TMEM223: variants seen among roughly 807,000 people sequenced by gnomAD.
TMEM223 encodes transmembrane protein 223.
TMEM223 carries 14 observed loss-of-function variants against 14.1 expected under a neutral mutation model. The ratio of observed to expected loss-of-function variants is 0.99; its 90% CI spans 0.66 to 1.55. The LOEUF (loss-of-function observed/expected upper bound fraction) is 1.55, where lower values mean the gene tolerates loss of function less well. Ranked by LOEUF, TMEM223 falls within the 40% of genes most tolerant of loss-of-function variation. The pLI, the probability that TMEM223 is intolerant of heterozygous loss-of-function variation, is 0.00. For missense variants in TMEM223, 346 were observed against 269.9 expected (o/e 1.28, Z -1.97); for synonymous variants, 145 against 120.5 (o/e 1.20, Z -1.33).
chr11:62,789,668 C>T (rs1241438185), downstream of TMEM223: 3 of 1,547,638 alleles, frequency 1.9e-6, no homozygotes, highest in Non-Finnish European at 1.7e-6. Context: ...CTCCAACCTA[C>T]ACAATGCTGA....
intron 1 of TMEM223, among the ~76,000 whole-genome samples, chr11:62,791,138 G>A (rs1440804192): frequency 3.3e-5 from 5 of 152,010 alleles, no homozygotes; most frequent in Non-Finnish European, 5.9e-5. Context: ...CTTAATAGAT[G>A]TCCGTTTCCA....
chr11:62,790,862 C>G lies in TMEM223; in HGVS notation c.370G>C (p.Val124Leu). The G allele has an allele frequency of 6.2e-7, 1 of 1,605,272 alleles. No individual in the cohort carries two copies. Among genetic ancestry groups the G allele is most frequent in the Non-Finnish European group, 8.5e-7 (1 of 1,175,674 alleles). Residue 124 changes from valine (V) to leucine (L), a missense_variant, in exon 2 of 2, where the codon GTG becomes CTG. By Grantham distance (32) the Val-to-Leu change is conservative. Transcript: ENST00000307366. The part of the protein sequence containing the change: ...LLFSLRSVRS[V>L]VLRAGGQQVT... ...TGCTGCCCTCCAGCTCGAAGCACCACTGAGCGCACAGACCGGAGAGAGAAG... is the reference window on the plus strand; with the variant it reads ...TGCTGCCCTCCAGCTCGAAGCACCAGTGAGCGCACAGACCGGAGAGAGAAG...
intron 2 of TMEM223, among the ~76,000 whole-genome samples, chr11:62,773,272 G>A (rs924249530): frequency 4.7e-5 from 7 of 147,784 alleles, no homozygotes; most frequent in African/African-American, 1.3e-4. Flanking sequence ...CTCAGCCTCC[G>A]GAGTAGCTGG....
downstream of TMEM223, among the ~76,000 whole-genome samples, chr11:62,785,538 C>CT (rs1205888751): frequency 8.9e-3 from 1,211 of 136,394 alleles, 15 homozygotes; most frequent in Admixed American, 0.022. Flanking sequence ...ATAGTTAATT[C>CT]TTTTTTTTTT....
intron 1 of TMEM223, among the ~76,000 whole-genome samples, chr11:62,779,143 C>G (rs1421256857): frequency 1.3e-5 from 2 of 151,964 alleles, no homozygotes; most frequent in African/African-American, 4.8e-5. Context: ...GCCTCAGCCT[C>G]CTGAATAGCT....
downstream of TMEM223, among the ~76,000 whole-genome samples, chr11:62,783,526 A>C (rs1248982039): frequency 6.7e-6 from 1 of 148,284 alleles, no homozygotes; most frequent in Non-Finnish European, 1.5e-5. Flanking sequence ...TAATATTAAG[A>C]GGGAGGATCT....
chr11:62,780,713 TGAGGCCGG>T (rs1178102292), intron 1 of TMEM223, among the ~76,000 whole-genome samples: 3 of 149,234 alleles, frequency 2.0e-5, no homozygotes, highest in African/African-American at 7.4e-5. Flanking sequence ...GTGGATCATG[TGAGGCCGG>T]GAGTTCGAGA....
intron 1 of TMEM223, among the ~76,000 whole-genome samples, chr11:62,780,852 G>A (rs1410723974): frequency 2.0e-5 from 3 of 150,236 alleles, no homozygotes; most frequent in African/African-American, 4.9e-5. Context: ...CAGGAGAATC[G>A]CTTGAACCCA....
chr11:62,790,053 A>G lies in TMEM223; in HGVS notation c.*570T>C. 1 of 1,603,880 alleles carries G rather than the reference A, an allele frequency of 6.2e-7. No individual in the cohort carries two copies. On this transcript the variant is annotated 3_prime_UTR_variant, in exon 2 of 2. Transcript: ENST00000307366. Reference sequence around the variant, plus strand: ...CACGCCTTTCCCATTCCTGAAGAATAAGCGGAGTGCTTCCTGCAGCCGAAG... The same window carrying G: ...CACGCCTTTCCCATTCCTGAAGAATGAGCGGAGTGCTTCCTGCAGCCGAAG...
At chr11:62,788,571 G>A (rs1010631798), downstream of TMEM223, among the ~76,000 whole-genome samples, 2 of 151,862 alleles carry the variant, frequency 1.3e-5, no homozygotes, top group African/African-American at 4.8e-5. Context: ...AGGCATGGTG[G>A]CGGGTGCCTG....
downstream of TMEM223, chr11:62,789,359 G>A (rs746062044): frequency 3.1e-6 from 5 of 1,613,924 alleles, no homozygotes; most frequent in South Asian, 1.1e-5. Flanking sequence ...CTTGGTGTCT[G>A]CCTGTATCCT....
downstream of TMEM223, chr11:62,786,920 G>T: frequency 6.7e-7 from 1 of 1,493,236 alleles, no homozygotes; most frequent in African/African-American, 1.5e-5. Flanking sequence ...AGCCCGCACG[G>T]CGACGAGAGC....
downstream of TMEM223, among the ~76,000 whole-genome samples, chr11:62,783,767 A>G (rs2084248308): frequency 6.6e-6 from 1 of 151,728 alleles, no homozygotes; most frequent in Non-Finnish European, 1.5e-5. Flanking sequence ...TCCTAGCCTC[A>G]AGTGGTCTGC....
chr11:62,791,446 A>C (rs897501599), intron 1 of TMEM223, among the ~76,000 whole-genome samples: 5 of 144,994 alleles, frequency 3.4e-5, no homozygotes, highest in Non-Finnish European at 7.4e-5. Context: ...TTTAGTAGAC[A>C]CAGGGTTTGA....
At chr11:62,775,844 G>A in intron 1 of TMEM223, 1 of 1,613,354 alleles carries the variant, frequency 6.2e-7, no homozygotes, top group Non-Finnish European at 8.5e-7. Flanking sequence ...CCGGCTCATG[G>A]CGGAGAGCAC....
chr11:62,775,378 G>T (rs536716154), intron 1 of TMEM223, among the ~76,000 whole-genome samples: 15 of 152,246 alleles, frequency 9.9e-5, no homozygotes, highest in Admixed American at 4.6e-4. Context: ...ATTTGTGCGG[G>T]GACACAGCCA....
chr11:62,777,405 A>C (rs955196643), intron 1 of TMEM223, among the ~76,000 whole-genome samples: 1 of 152,202 alleles, frequency 6.6e-6, no homozygotes, highest in South Asian at 2.1e-4. Context: ...ACCAGGTGCT[A>C]GGCCCAGCCC....
At chr11:62,783,279 G>A (rs553453255), downstream of TMEM223, among the ~76,000 whole-genome samples, 2 of 152,194 alleles carry the variant, frequency 1.3e-5, no homozygotes, top group African/African-American at 2.4e-5. Context: ...TCAGGAGATC[G>A]AAACCATCCT....
chr11:62,791,712 G>A lies in TMEM223; in HGVS notation c.283C>T (p.Arg95Cys). ...CCGCAGCCGACGGCCAGACCGTAGCGCCAGAGCGCGGAGCGCAGGTCGAAG... is the reference window on the plus strand; with the variant it reads ...CCGCAGCCGACGGCCAGACCGTAGCACCAGAGCGCGGAGCGCAGGTCGAAG... ...GPFDLRSALWRYGLAVGCGAI... is the reference protein window; with the variant it reads ...GPFDLRSALWCYGLAVGCGAI... The change falls in exon 1 of 2, where the codon CGC (arginine) becomes TGC (cysteine). Residue 95 changes from arginine (R) to cysteine (C), a missense_variant. Coordinates refer to ENST00000307366, the MANE Select transcript of TMEM223 (RefSeq NM_001080501.3). 2.6e-6 allele frequency: 4 copies of A among 1,549,884 alleles called. No homozygotes were observed. The highest frequency in any genetic ancestry group is 2.4e-5 in the South Asian group (2 of 84,394).
Sources: gnomAD v4.1 joint callset for allele counts (sites outside exome capture counted in the v4.1 genomes callset) on GRCh38, gnomAD v4.1.1 for gene constraint, MANE v1.5 for transcripts, NCBI Gene and HGNC (gene_info 2026-07-23, HGNC 2026-07-21) for gene names.